The following CCSER1 variants were observed in gnomAD, a reference collection of about 807,000 sequenced individuals.
CCSER1 encodes serine-rich coiled-coil domain-containing protein 1.
Under a neutral mutation model 82.0 loss-of-function variants are expected in CCSER1, and 41 were observed. The ratio of observed to expected loss-of-function variants is 0.50; its 90% confidence interval spans 0.39 to 0.65. CCSER1 has a LOEUF of 0.65. Among genes scored for constraint, CCSER1 ranks in the 30% least tolerant of loss-of-function variants. CCSER1 has a pLI of 0.00. For synonymous variants in CCSER1, 414 were observed against 383.9 expected (o/e 1.08, Z -0.92); for missense variants, 1,119 against 1,064.2 (o/e 1.05, Z -0.72).
chr4:91,160,838 C>A (rs1731318988), intron 10 of CCSER1, among the ~76,000 whole-genome samples: 1 of 151,862 alleles, frequency 6.6e-6, no homozygotes, highest in Non-Finnish European at 1.5e-5. Context: ...AAAATATTTT[C>A]CAATTCTGTA....
intron 9 of CCSER1, among the ~76,000 whole-genome samples, chr4:90,964,640 G>A (rs898500977): frequency 6.8e-5 from 10 of 146,508 alleles, no homozygotes; most frequent in Non-Finnish European, 1.3e-4. Context: ...CAGGAGAATG[G>A]CATGAACCCG....
At chr4:91,029,807 G>T (rs1740813542) in intron 9 of CCSER1, among the ~76,000 whole-genome samples, 1 of 151,984 alleles carries the variant, frequency 6.6e-6, no homozygotes, top group Admixed American at 6.6e-5. Context: ...AAAGCATTTA[G>T]AACAGTACTG....
chr4:90,623,687 C>T (rs186826651), intron 5 of CCSER1, among the ~76,000 whole-genome samples: 1 of 152,278 alleles, frequency 6.6e-6, no homozygotes, highest in Admixed American at 6.5e-5. Flanking sequence ...ATGCTGATTG[C>T]ATCTCTTCTG....
At chr4:91,309,559 A>C (rs541824257) in intron 10 of CCSER1, among the ~76,000 whole-genome samples, 1 of 152,014 alleles carries the variant, frequency 6.6e-6, no homozygotes, top group Non-Finnish European at 1.5e-5. Context: ...ACAATATTTC[A>C]TTTGTGATAT....
chr4:90,838,383 A>G (rs1187571756), intron 8 of CCSER1, among the ~76,000 whole-genome samples: 1 of 151,646 alleles, frequency 6.6e-6, no homozygotes, highest in Non-Finnish European at 1.5e-5. Flanking sequence ...AATTGAATGA[A>G]CTGTTTTCTA....
intron 4 of CCSER1, among the ~76,000 whole-genome samples, chr4:90,428,408 C>T (rs1757825031): frequency 6.6e-6 from 1 of 151,776 alleles, no homozygotes; most frequent in Non-Finnish European, 1.5e-5. Context: ...ACTTCTGACT[C>T]CCCCAAAACT....
intron 10 of CCSER1, among the ~76,000 whole-genome samples, chr4:91,214,051 A>G (rs906716452): frequency 6.6e-6 from 1 of 152,136 alleles, no homozygotes; most frequent in African/African-American, 2.4e-5. Context: ...TTTCTCTGGA[A>G]TTAGAAAAGA....
At chr4:91,532,790 A>C (rs550050631) in intron 10 of CCSER1, among the ~76,000 whole-genome samples, 10 of 151,880 alleles carry the variant, frequency 6.6e-5, no homozygotes, top group Admixed American at 6.6e-4. Context: ...GGATCACTTG[A>C]GTCTGGGAGG....
chr4:90,451,406 G>C (rs893894307), intron 4 of CCSER1, among the ~76,000 whole-genome samples: 1 of 152,146 alleles, frequency 6.6e-6, no homozygotes, highest in South Asian at 2.1e-4. Context: ...GTTCCAGGGG[G>C]ACACGCCATT....
At chr4:90,413,810 GTA>G (rs1560480834) in intron 4 of CCSER1, among the ~76,000 whole-genome samples, 5 of 149,288 alleles carry the variant, frequency 3.3e-5, no homozygotes, top group Admixed American at 6.6e-5. Flanking sequence ...TTAGCCGCGC[GTA>G]GTGGCGGGCG....
In CCSER1 at chr4:91,168,160, G is replaced by T. The variant is rs539910426; in HGVS notation, c.2217+82166G>T. ...GGCCGCCCCATCTGGGAATTGAGGA[G>T]CGCCTCTGCCCGGCCGCCCATCGTC... On this transcript the variant is annotated intron_variant, in intron 10 of 10. Transcript: ENST00000509176. Among the ~76,000 whole-genome samples, 74 of 148,504 alleles carry T rather than the reference G, an allele frequency of 5.0e-4. 1 individual carries two copies. The highest frequency in any genetic ancestry group is 9.2e-4 in the Non-Finnish European group (62 of 67,342).
chr4:90,861,932 T>A lies in CCSER1; in HGVS notation c.2094+46087T>A, dbSNP rs1295964955. On this transcript the variant is annotated intron_variant, in intron 8 of 10. Transcript: ENST00000509176. ...TATATATATATATATATATATTTTT[T>A]TTTTCTGTTAGACTAGTGTTGATTG... 9.5e-3 allele frequency among the ~76,000 whole-genome samples: 1,350 copies of A among 141,556 alleles called. 10 individuals are homozygous for A. Among genetic ancestry groups the A allele is most frequent in the African/African-American group, 0.032 (1,192 of 36,788 alleles). The allele number at this position is 141,556 out of a possible 152,430, so 92.9% of individuals were successfully genotyped here.
chr4:90,810,999 A>AT (rs1172088444), intron 7 of CCSER1, among the ~76,000 whole-genome samples: 10 of 151,478 alleles, frequency 6.6e-5, no homozygotes, highest in African/African-American at 1.9e-4. Context: ...CGCCCAACTA[A>AT]TTTTTTGTAT....
intron 7 of CCSER1, among the ~76,000 whole-genome samples, chr4:90,737,987 A>T (rs1264143112): frequency 6.6e-6 from 1 of 152,060 alleles, no homozygotes; most frequent in Non-Finnish European, 1.5e-5. Flanking sequence ...ATAGGTTCTG[A>T]TTCCTTTCCC....
intron 9 of CCSER1, among the ~76,000 whole-genome samples, chr4:90,924,991 T>C (rs1728874922): frequency 6.6e-6 from 1 of 152,188 alleles, no homozygotes; most frequent in Non-Finnish European, 1.5e-5. Context: ...CCTCCAAAAG[T>C]TCTGGGATTA....
intron 9 of CCSER1, among the ~76,000 whole-genome samples, chr4:90,983,011 C>T (rs988953210): frequency 2.6e-5 from 4 of 151,740 alleles, no homozygotes; most frequent in East Asian, 1.9e-4. Context: ...ATCCATCTCC[C>T]TCTCCTTAGA....
At chr4:91,224,100 C>G (rs183310015) in intron 10 of CCSER1, among the ~76,000 whole-genome samples, 1 of 148,146 alleles carries the variant, frequency 6.8e-6, no homozygotes, top group Admixed American at 6.8e-5. Flanking sequence ...CTGAGCTGTT[C>G]TTGAAAATAT....
intron 9 of CCSER1, among the ~76,000 whole-genome samples, chr4:91,059,455 T>TTTTATATA (rs1425217035): frequency 2.1e-5 from 3 of 145,788 alleles, no homozygotes; most frequent in Non-Finnish European, 4.5e-5. Context: ...TTTATTAAGG[T>TTTTATATA]TATATATATA....
chr4:90,646,478 A>G (rs1056045081), intron 6 of CCSER1, among the ~76,000 whole-genome samples: 1 of 152,128 alleles, frequency 6.6e-6, no homozygotes, highest in Non-Finnish European at 1.5e-5. Context: ...TGCATAGATG[A>G]CATCTATTGC....
Sources: allele counts gnomAD v4.1 joint callset (sites outside exome capture counted in the v4.1 genomes callset), GRCh38; gene constraint gnomAD v4.1.1; transcripts MANE v1.5; gene names NCBI Gene and HGNC (gene_info 2026-07-23, HGNC 2026-07-21).